Variants in SGO2 observed in about 807,000 individuals in gnomAD.
SGO2 encodes the protein shugoshin 2, also known as shugoshin-like 2.
A neutral mutation model predicts 99.5 loss-of-function variants in SGO2; 68 were observed. That is an observed-to-expected ratio of 0.68 (90% CI 0.56 to 0.84). The LOEUF is 0.84. SGO2 is among the 40% of genes least tolerant of loss of function. The pLI is 0.00. For missense variants in SGO2, 1,350 were observed against 1,436.7 expected, an observed-to-expected ratio of 0.94 and a Z score of 0.97; for synonymous variants, 457 against 487.1, an observed-to-expected ratio of 0.94 and a Z score of 0.81.
In SGO2 at chr2:200,573,902, G is replaced by A. The variant is rs1168167313; in HGVS notation, c.3556G>A (p.Val1186Ile). ...FALECSPAFQ[V>I]SDDEHEKMNK... ...CTTGGAGTGCTCCCCAGCCTTTCAA[G>A]TAAGTGATGATGAGCATGAGAAGAT... The change falls in exon 7 of 9, where the codon GTA becomes ATA. Residue 1186 changes from valine to isoleucine, a missense_variant. Transcript: ENST00000357799. The A allele has an allele frequency of 6.2e-7, 1 of 1,611,494 alleles. No homozygotes were observed. The highest frequency in any genetic ancestry group is 8.5e-7 in the Non-Finnish European group (1 of 1,179,162).
At chr2:200,580,479 T>G (rs893664326) in intron 8 of SGO2, 1 of 439,238 alleles carries the variant, frequency 2.3e-6, no homozygotes, top group Non-Finnish European at 4.6e-6. Context: ...TTGATTTACT[T>G]TATTATTGTT....
intron 5 of SGO2, among the ~76,000 whole-genome samples, chr2:200,545,773 T>G (rs1249268344): frequency 6.6e-6 from 1 of 152,116 alleles, no homozygotes; most frequent in Non-Finnish European, 1.5e-5. Flanking sequence ...AAAAGCAAAA[T>G]TGAAATGGTC....
chr2:200,570,098 A>G lies in SGO2; in HGVS notation c.703+206A>G, dbSNP rs2033342089. ...AACATCACACCCACAGTGGCCTAAT[A>G]CTGTTACTCTGGAAGAAATATTTAG... On this transcript the variant is annotated intron_variant, in intron 6 of 8. Transcript: ENST00000357799. This position sits in a 1 kb window ranked among gnomAD's most constrained non-coding sequence, Gnocchi z 4.4. 2.2e-6 allele frequency: 1 copy of G among 459,432 alleles called. No homozygotes were observed. Among genetic ancestry groups the G allele is most frequent in the Non-Finnish European group, 3.8e-6 (1 of 262,164 alleles). 28.5% of individuals were successfully genotyped at this position (459,432 alleles called of 1,614,324 possible). A position where few individuals can be genotyped will look rare whatever the true frequency, so the allele number is the denominator to read the frequency against.
chr2:200,528,211 T>A (rs571288672), intron 1 of SGO2, among the ~76,000 whole-genome samples: 84 of 152,318 alleles, frequency 5.5e-4, no homozygotes, highest in African/African-American at 1.9e-3. Context: ...GAGTTTTTTT[T>A]AACATGGGAG....
intron 8 of SGO2, among the ~76,000 whole-genome samples, chr2:200,578,176 A>ATAGATATAGATATAGATATAGATG (rs1479775069): frequency 6.4e-4 from 98 of 152,140 alleles, no homozygotes; most frequent in Non-Finnish European, 1.2e-3. Context: ...AGATATAGAT[A>ATAGATATAGATATAGATATAGATG]TAGATATATA....
intron 1 of SGO2, among the ~76,000 whole-genome samples, chr2:200,531,434 G>GAATGTGTTGTAGCCT (rs1330459554): frequency 6.6e-6 from 1 of 152,184 alleles, no homozygotes; most frequent in Non-Finnish European, 1.5e-5. Context: ...CTGCAGACAT[G>GAATGTGTTGTAGCCT]AATGTGTTGT....
chr2:200,549,689 G>A (rs1050231508), intron 5 of SGO2, among the ~76,000 whole-genome samples: 2 of 152,056 alleles, frequency 1.3e-5, no homozygotes, highest in African/African-American at 4.8e-5. Context: ...ACAGCTTTTG[G>A]TAAAATTCAA....
Position 200,572,091 on chromosome 2 carries a change from G to A in SGO2, c.1745G>A (p.Cys582Tyr). Reference sequence around the variant, plus strand: ...TCCACCAAAGATAATGGAAATTTATGTGATTATGGGACCCACAATATATTG... The same window carrying A: ...TCCACCAAAGATAATGGAAATTTATATGATTATGGGACCCACAATATATTG... ...NLSTKDNGNLCDYGTHNILDL... is the reference protein window; with the variant it reads ...NLSTKDNGNLYDYGTHNILDL... The change falls in exon 7 of 9, where the codon TGT becomes TAT. Residue 582 changes from cysteine to tyrosine, a missense_variant. Transcript: ENST00000357799. 4.3e-6 allele frequency: 7 copies of A among 1,613,382 alleles called. No individual in the cohort carries two copies. In the South Asian group the frequency reaches 6.6e-5, roughly 15 times the overall value.
chr2:200,541,927 C>G (rs142287751), intron 4 of SGO2, among the ~76,000 whole-genome samples: 2 of 151,990 alleles, frequency 1.3e-5, no homozygotes, highest in Admixed American at 1.3e-4. Flanking sequence ...TGTACTGTCT[C>G]AATTACTGTA....
At chr2:200,577,036 T>G (rs1207181874) in intron 8 of SGO2, among the ~76,000 whole-genome samples, 2 of 137,416 alleles carry the variant, frequency 1.5e-5, no homozygotes, top group African/African-American at 2.7e-5. Flanking sequence ...TAAAGTATTG[T>G]TTTTTTTTTT....
intron 5 of SGO2, among the ~76,000 whole-genome samples, chr2:200,545,657 A>T (rs576422798): frequency 6.6e-6 from 1 of 152,190 alleles, no homozygotes; most frequent in African/African-American, 2.4e-5. Context: ...CTCTGAGCAG[A>T]TGGTAGGAGA....
intron 4 of SGO2, among the ~76,000 whole-genome samples, chr2:200,537,998 A>G (rs559653236): frequency 2.0e-5 from 3 of 152,058 alleles, no homozygotes; most frequent in Non-Finnish European, 4.4e-5. Flanking sequence ...AGTTCTCACA[A>G]TCCTCTTTCA....
intron 5 of SGO2, among the ~76,000 whole-genome samples, chr2:200,566,372 G>C (rs1283284617): frequency 1.3e-5 from 2 of 152,192 alleles, no homozygotes; most frequent in Admixed American, 6.5e-5. Flanking sequence ...ACCAGTGGAG[G>C]CTGCAGAACA....
At chr2:200,575,618 A>G (rs1187710733) in intron 8 of SGO2, among the ~76,000 whole-genome samples, 157 bp downstream of exon 8, 1 of 152,200 alleles carries the variant, frequency 6.6e-6, no homozygotes, top group East Asian at 1.9e-4. Flanking sequence ...TTGAAGAAAT[A>G]TGTCCTTTGG....
chr2:200,558,156 C>T (rs2032794962), intron 5 of SGO2, among the ~76,000 whole-genome samples: 1 of 152,090 alleles, frequency 6.6e-6, no homozygotes, highest in South Asian at 2.1e-4. Context: ...AGCCACCGTG[C>T]CCGGCCAGCT....
chr2:200,569,941 C>A, intron 6 of SGO2, 49 bp downstream of exon 6: 2 of 1,216,248 alleles, frequency 1.6e-6, no homozygotes, highest in Non-Finnish European at 2.4e-6. Flanking sequence ...TAGTTACATT[C>A]ATCAGATGTT....
At position 200,533,105 on chromosome 2, in the gene SGO2, C is replaced by T. The variant is rs768338275; in HGVS notation, c.130C>T (p.Leu44=). The change falls in exon 2 of 9, where the codon CTA becomes TTA. Residue 44 remains leucine (L), a synonymous_variant. Coordinates refer to ENST00000357799, the MANE Select transcript of SGO2 (RefSeq NM_152524.6). ...TGCTTCAAAAATAAAAACAAAAATA[C>T]TAAGTAAGTGCCATCAGTTTTAAAA... ...SLASKIKTKI[L]NNSSIFKISL... 6.3e-7 allele frequency: 1 copy of T among 1,577,880 alleles called. No individual in the cohort carries two copies. Among genetic ancestry groups the T allele is most frequent in the Non-Finnish European group, 8.6e-7 (1 of 1,168,104 alleles).
At chr2:200,527,528 A>G (rs1333878927) in intron 1 of SGO2, among the ~76,000 whole-genome samples, 1 of 152,198 alleles carries the variant, frequency 6.6e-6, no homozygotes, top group Non-Finnish European at 1.5e-5. Context: ...TTCTGGTTCA[A>G]CTTATTCCCC....
At chr2:200,577,541 A>G (rs1266477541) in intron 8 of SGO2, among the ~76,000 whole-genome samples, 1 of 152,244 alleles carries the variant, frequency 6.6e-6, no homozygotes. Context: ...CTAAAGAATT[A>G]GCATTGGTAC....
Sources: gnomAD v4.1 joint callset for allele counts (sites outside exome capture counted in the v4.1 genomes callset) on GRCh38, gnomAD v4.1.1 for gene constraint, Gnocchi (gnomAD v3.1) non-coding constraint, MANE v1.5 for transcripts, NCBI Gene and HGNC (gene_info 2026-07-23, HGNC 2026-07-21) for gene names.